The following SMC1A variants were observed in gnomAD, a reference collection of about 807,000 sequenced individuals.
SMC1A encodes structural maintenance of chromosomes 1A, also known as structural maintenance of chromosomes protein 1A.
Under a neutral mutation model 94.5 loss-of-function variants are expected in SMC1A, and 4 were observed. The observed-to-expected ratio is 0.04, with a 90% CI of 0.02 to 0.10. The LOEUF is 0.10. Among genes scored for constraint, SMC1A ranks in the 10% least tolerant of loss-of-function variants. The pLI is 1.00. For synonymous variants in SMC1A, 345 were observed against 347.7 expected, an observed-to-expected ratio of 0.99 and a Z score of 0.09; for missense variants, 304 against 989.0, an observed-to-expected ratio of 0.31 and a Z score of 9.29.
At chrX:53,397,311 T>TG (rs1306739915) in intron 16 of SMC1A, among the ~76,000 whole-genome samples, 19 of 111,685 alleles carry the variant, frequency 1.7e-4, no homozygotes, top group African/African-American at 5.9e-4. Flanking sequence ...CCTGGTGGAG[T>TG]GGCTTACACT....
At chrX:53,388,652 A>C (rs1213795015) in intron 19 of SMC1A, among the ~76,000 whole-genome samples, 1 of 109,767 alleles carries the variant, frequency 9.1e-6, no homozygotes, top group Non-Finnish European at 1.9e-5. Context: ...ATAATATAGT[A>C]TTAAAATTAA....
At chrX:53,381,172 C>G (rs1486202360) in intron 22 of SMC1A, 85 bp from the exon 23 acceptor site, 4 of 572,876 alleles carry the variant, frequency 7.0e-6, no homozygotes, top group African/African-American at 2.3e-5. Context: ...GCCCATCAAA[C>G]AGGCCAGCTT....
intron 1 of SMC1A, among the ~76,000 whole-genome samples, chrX:53,419,840 A>T (rs1389663724): frequency 9.1e-6 from 1 of 109,378 alleles, no homozygotes; most frequent in East Asian, 2.9e-4. Context: ...AAAAAAAAGA[A>T]AAAAAAGAAA....
chrX:53,380,753 C>T (rs782493076), intron 23 of SMC1A, 23 bp from the exon 24 acceptor site: 5 of 1,053,277 alleles, frequency 4.7e-6, no homozygotes, highest in Non-Finnish European at 6.6e-6. Context: ...CCGCCAGGCA[C>T]TTAGCAAGGC....
intron 1 of SMC1A, among the ~76,000 whole-genome samples, chrX:53,418,591 T>C (rs934550957): frequency 7.7e-4 from 86 of 112,384 alleles, no homozygotes; most frequent in Non-Finnish European, 1.9e-4. Flanking sequence ...TAAGCCACCA[T>C]GCCCAGCTAG....
intron 3 of SMC1A, 79 bp from the exon 4 acceptor site, chrX:53,413,514 A>G: frequency 2.1e-6 from 2 of 942,425 alleles, no homozygotes; most frequent in Non-Finnish European, 3.0e-6. Flanking sequence ...TCCTTCACCC[A>G]GAAAAAGTTA....
intron 18 of SMC1A, among the ~76,000 whole-genome samples, chrX:53,395,415 C>T (rs939323607): frequency 8.9e-5 from 10 of 112,321 alleles, no homozygotes; most frequent in African/African-American, 2.9e-4. Flanking sequence ...TTGGGCAAGT[C>T]ACATTCTCAG....
chrX:53,383,876 TGC>T (rs1556886208), intron 19 of SMC1A, among the ~76,000 whole-genome samples: 1 of 111,614 alleles, frequency 9.0e-6, no homozygotes, highest in East Asian at 2.8e-4. Flanking sequence ...AACAGAGGAA[TGC>T]ACATAAGTAA....
chrX:53,398,390 A>G (rs782671733), intron 16 of SMC1A, among the ~76,000 whole-genome samples: 3 of 110,787 alleles, frequency 2.7e-5, no homozygotes, highest in Non-Finnish European at 5.7e-5. Context: ...AGGGTGTGAG[A>G]AAATTGAGTC....
intron 9 of SMC1A, among the ~76,000 whole-genome samples, chrX:53,408,758 G>C (rs1409020849): frequency 9.7e-6 from 1 of 103,322 alleles, no homozygotes; most frequent in Non-Finnish European, 1.9e-5. Context: ...CAGAGGCATA[G>C]ACATAGCAAG....
rs1486712813 is a variant in SMC1A at position 53,377,903 on chromosome X, A to G, written c.*2200T>C. Reference sequence around the variant, plus strand: ...CGAATTGTGCTCGTCCATAAAGGCCAGCATTTGCCAAATTATGGCACACAG... The same window carrying G: ...CGAATTGTGCTCGTCCATAAAGGCCGGCATTTGCCAAATTATGGCACACAG... On this transcript the variant is annotated 3_prime_UTR_variant, in exon 25 of 25. Transcript: ENST00000322213. 8.9e-6 allele frequency: 1 copy of G among 112,411 alleles called. No individual in the cohort carries two copies. Among genetic ancestry groups the G allele is most frequent in the Non-Finnish European group, 1.9e-5 (1 of 53,286 alleles). The allele number at this position is 112,411 out of a possible 1,213,427, so 9.3% of individuals were successfully genotyped here.
At position 53,399,677 on chromosome X, in the gene SMC1A, T is replaced by G; in HGVS notation, c.2474A>C (p.Lys825Thr). ...TRLGIQLDFE[K>T]NQLKEDQDKV... is the part of the protein sequence containing the mutation. ...ATCTTGGTCCTCCTTCAGTTGGTTC[T>G]TTTCAAAATCCAACTGAATGCCCAA... Residue 825 changes from lysine (K) to threonine (T), a missense_variant, in exon 16 of 25, where the codon AAG becomes ACG. This residue lies in a region of SMC1A where 35 missense variants were observed against 95.4 expected (regional missense o/e 0.37). Transcript: ENST00000322213. 8.3e-7 allele frequency: 1 copy of G among 1,209,157 alleles called. No homozygotes were observed. Among genetic ancestry groups the G allele is most frequent in the Non-Finnish European group, 1.1e-6 (1 of 893,097 alleles).
At chrX:53,416,523 T>C (rs1782691441) in intron 1 of SMC1A, among the ~76,000 whole-genome samples, 2 of 105,664 alleles carry the variant, frequency 1.9e-5, no homozygotes, top group Admixed American at 2.1e-4. Context: ...CCCGAATAGC[T>C]GGGATTACAG....
rs1556887779 is a variant in SMC1A, at chrX:53,394,884, C to A, written c.2867G>T (p.Ser956Ile). 1 of 1,162,179 alleles carries A rather than the reference C, an allele frequency of 8.6e-7. No homozygotes were observed. The change falls in exon 19 of 25, where the codon AGC becomes ATC. Residue 956 changes from serine to isoleucine, a missense_variant. By Grantham distance (142) the Ser-to-Ile change is moderately radical (BLOSUM62 -2). Around this residue, in one of 11 missense-constraint regions of SMC1A, gnomAD observed 22 missense variants for 17.5 expected, o/e 1.26. Transcript: ENST00000322213. ...TMDDISQEEG[S>I]SQGEDSVSGS... is the part of the protein sequence containing the mutation. ...ACTCACTGAGTCCTCCCCCTGGGAG[C>A]TACCCTGCAATGGCAACGGAGAGTC...
chrX:53,399,427 G>C (rs1441466094), intron 16 of SMC1A, among the ~76,000 whole-genome samples, 162 bp downstream of exon 16: 1 of 112,064 alleles, frequency 8.9e-6, no homozygotes, highest in African/African-American at 3.2e-5. Flanking sequence ...TTCTTGAACT[G>C]TTTGTGACAT....
rs2146581022 is a variant in SMC1A, at chrX:53,380,184, T to C, written c.3621A>G (p.Gln1207=). Residue 1207 remains glutamine (Q), a splice_region_variant and synonymous_variant, in exon 25 of 25, where the codon CAA becomes CAG. Coordinates refer to ENST00000322213, the MANE Select transcript of SMC1A (RefSeq NM_006306.4). ...AESLIGVYPE[Q]GDCVISKVLT... ...GGACTTTGCTGATCACACAGTCCCC[T>C]TGCTGAAGGAGGAGGGAGAAAAAGA... The C allele has an allele frequency of 1.7e-6, 2 of 1,190,512 alleles. No homozygotes were observed. Among genetic ancestry groups the C allele is most frequent in the East Asian group, 3.0e-5 (1 of 33,742 alleles).
intron 16 of SMC1A, among the ~76,000 whole-genome samples, chrX:53,396,988 A>G (rs1222134744): frequency 9.0e-6 from 1 of 110,953 alleles, no homozygotes; most frequent in Non-Finnish European, 1.9e-5. Flanking sequence ...CTGTATTCTG[A>G]CTTAATGTTA....
intron 1 of SMC1A, among the ~76,000 whole-genome samples, chrX:53,418,748 T>C (rs1291677027): frequency 8.9e-6 from 1 of 111,910 alleles, no homozygotes; most frequent in Non-Finnish European, 1.9e-5. Context: ...ATAGATATTG[T>C]TTTAAAAGTT....
At chrX:53,412,643 G>A (rs1353800387) in intron 5 of SMC1A, among the ~76,000 whole-genome samples, 1 of 111,913 alleles carries the variant, frequency 8.9e-6, no homozygotes, top group Non-Finnish European at 1.9e-5. Context: ...CCTCACATTG[G>A]TTCCTCTTTC....
Sources: allele counts gnomAD v4.1 joint callset (sites outside exome capture counted in the v4.1 genomes callset), GRCh38; gene constraint gnomAD v4.1.1; regional missense constraint gnomAD v4.1.1; transcripts MANE v1.5; gene names NCBI Gene and HGNC (gene_info 2026-07-23, HGNC 2026-07-21).